CES5A: variants seen among roughly 807,000 people sequenced by gnomAD.
CES5A encodes carboxylesterase 5.
A neutral mutation model predicts 62.9 loss-of-function variants in CES5A; 67 were observed. The observed-to-expected ratio is 1.07, with a 90% CI of 0.88 to 1.31. CES5A has a LOEUF of 1.31. Ranked by LOEUF, CES5A falls within the 50% of genes most tolerant of loss-of-function variation. CES5A has a pLI of 0.00. For synonymous variants in CES5A, 296 were observed against 280.8 expected, an observed-to-expected ratio of 1.05 and a Z score of -0.54; for missense variants, 748 against 708.5, an observed-to-expected ratio of 1.06 and a Z score of -0.63.
chr16:55,902,489 G>T (rs1458842442), intron 1 of CES5A, among the ~76,000 whole-genome samples: 2 of 152,226 alleles, frequency 1.3e-5, no homozygotes, highest in African/African-American at 4.8e-5. Context: ...CATCAGGACT[G>T]ACATCCTAAG....
At chr16:55,931,117 G>A (rs2034306934) in intron 2 of CES5A, among the ~76,000 whole-genome samples, 1 of 152,096 alleles carries the variant, frequency 6.6e-6, no homozygotes, top group South Asian at 2.1e-4. Context: ...ACAGAATCAG[G>A]GTTCTTGACT....
chr16:55,871,898 TCCAA>T, intron 2 of CES5A, 135 bp from the exon 3 acceptor site: 4 of 826,928 alleles, frequency 4.8e-6, no homozygotes, highest in Admixed American at 5.0e-5. Context: ...CGGTACAAAG[TCCAA>T]TCATGCCCAA....
At chr16:55,928,524 A>G (rs1408733330), upstream of CES5A, among the ~76,000 whole-genome samples, 2 of 152,190 alleles carry the variant, frequency 1.3e-5, no homozygotes. Flanking sequence ...GTCACTATAC[A>G]GTTCATTTAT....
In CES5A at chr16:55,917,864, A is replaced by T. The variant is rs909733919; in HGVS notation, c.-256+7459T>A. On this transcript the variant is annotated intron_variant, in intron 1 of 12. Transcript: ENST00000518005. ...GTCCACAACAGAATTGATTTTCCCC[A>T]TCCCAAACTTCTCCCTCAAGTTTTT... is the stretch of plus-strand genomic sequence containing the variant. Among the ~76,000 whole-genome samples, 4 of 152,170 alleles carry T rather than the reference A, an allele frequency of 2.6e-5. No individual in the cohort carries two copies. The South Asian group carries it at 8.3e-4, about 32-fold the overall frequency.
At chr16:55,910,642 C>T (rs2034083723) in intron 1 of CES5A, among the ~76,000 whole-genome samples, 1 of 152,228 alleles carries the variant, frequency 6.6e-6, no homozygotes, top group Non-Finnish European at 1.5e-5. Context: ...TATGCACGCA[C>T]TTGGCAATTA....
At position 55,869,750 on chromosome 16, in the gene CES5A, G is replaced by A. The variant is rs768880588; in HGVS notation, c.418-6C>T. Reference sequence around the variant, plus strand: ...CCTGGGAACCACACCAAGACCTGAGGAGGGGAGAAGAGCATCCAGTCAGCC... The same window carrying A: ...CCTGGGAACCACACCAAGACCTGAGAAGGGGAGAAGAGCATCCAGTCAGCC... On this transcript the variant is annotated splice_region_variant and splice_polypyrimidine_tract_variant and intron_variant, in intron 3 of 12. Coordinates refer to ENST00000290567, the MANE Select transcript of CES5A (RefSeq NM_001143685.2). 1.1e-5 allele frequency: 18 copies of A among 1,595,544 alleles called. No homozygotes were observed. Among genetic ancestry groups the A allele is most frequent in the South Asian group, 2.3e-5 (2 of 88,794 alleles).
intron 1 of CES5A, among the ~76,000 whole-genome samples, chr16:55,895,206 T>C (rs1459418978): frequency 6.6e-6 from 1 of 152,212 alleles, no homozygotes; most frequent in Non-Finnish European, 1.5e-5. Context: ...TTGGTTGTTT[T>C]TTTTTCCCCC....
chr16:55,895,005 A>G (rs2033917543), intron 1 of CES5A, among the ~76,000 whole-genome samples: 1 of 152,222 alleles, frequency 6.6e-6, no homozygotes, highest in African/African-American at 2.4e-5. Flanking sequence ...CTAGAAGACC[A>G]CGTGCTTGCC....
intron 1 of CES5A, among the ~76,000 whole-genome samples, chr16:55,897,801 C>T (rs188645762): frequency 5.3e-4 from 81 of 152,246 alleles, no homozygotes; most frequent in Admixed American, 4.4e-3. Flanking sequence ...CTGGAGCCAA[C>T]TCAAATATCC....
chr16:55,931,999 T>C (rs1379271935), intron 2 of CES5A, among the ~76,000 whole-genome samples: 1 of 152,224 alleles, frequency 6.6e-6, no homozygotes, highest in Non-Finnish European at 1.5e-5. Context: ...CCTCATTGGG[T>C]CATGAGGGCT....
chr16:55,901,158 G>C (rs138789312), intron 1 of CES5A, among the ~76,000 whole-genome samples: 210 of 152,230 alleles, frequency 1.4e-3, no homozygotes, highest in African/African-American at 4.8e-3. Flanking sequence ...TAGTGACTAA[G>C]TCTCACAAGA....
At chr16:55,955,786 C>G (rs1252227627) in intron 1 of CES5A, 1 of 1,516,494 alleles carries the variant, frequency 6.6e-7, no homozygotes, top group African/African-American at 1.4e-5. Flanking sequence ...TCATCTTTCT[C>G]ATTCCAGTGG....
chr16:55,949,202 G>T (rs2034528547), intron 2 of CES5A, among the ~76,000 whole-genome samples: 1 of 152,130 alleles, frequency 6.6e-6, no homozygotes, highest in South Asian at 2.1e-4. Context: ...TGTTGATCTT[G>T]GGGTCACTGC....
At chr16:55,856,823 C>T (rs2033253741) in intron 8 of CES5A, among the ~76,000 whole-genome samples, 1 of 152,204 alleles carries the variant, frequency 6.6e-6, no homozygotes, top group Admixed American at 6.5e-5. Context: ...TAAAATGTGG[C>T]TGTTAGAGTG....
chr16:55,942,895 G>C (rs2034459622), intron 2 of CES5A, among the ~76,000 whole-genome samples: 1 of 152,142 alleles, frequency 6.6e-6, no homozygotes, highest in Middle Eastern at 3.2e-3. Flanking sequence ...AGTGGACAAA[G>C]GAAGCCAGGC....
chr16:55,873,102 A>C (rs1235503651), intron 2 of CES5A, among the ~76,000 whole-genome samples: 1 of 152,036 alleles, frequency 6.6e-6, no homozygotes, highest in African/African-American at 2.4e-5. Flanking sequence ...ATGTGGCCCA[A>C]CCTGAGAGCT....
chr16:55,918,998 C>A (rs2034174658), intron 1 of CES5A, among the ~76,000 whole-genome samples: 1 of 152,200 alleles, frequency 6.6e-6, no homozygotes, highest in East Asian at 1.9e-4. Context: ...TGGGTCTATC[C>A]CATCTTATGG....
exon 1 of CES5A, chr16:55,956,025 G>A: frequency 2.3e-6 from 2 of 886,426 alleles, no homozygotes; most frequent in Middle Eastern, 2.4e-4. Context: ...CTCTACCGTT[G>A]CCAGCTGGCT....
intron 2 of CES5A, among the ~76,000 whole-genome samples, chr16:55,937,736 C>A (rs547582952): frequency 1.3e-5 from 2 of 152,104 alleles, no homozygotes; most frequent in South Asian, 4.2e-4. Flanking sequence ...GCCCACGCAC[C>A]TTCTTCATAA....
Sources: gnomAD v4.1 joint callset for allele counts (sites outside exome capture counted in the v4.1 genomes callset) on GRCh38, gnomAD v4.1.1 for gene constraint, MANE v1.5 for transcripts, NCBI Gene and HGNC (gene_info 2026-07-23, HGNC 2026-07-21) for gene names.